The following KIF15 variants were observed in gnomAD, a reference collection of about 807,000 sequenced individuals.
KIF15 encodes kinesin-like protein KIF15.
KIF15 carries 140 observed loss-of-function variants against 190.6 expected under a neutral mutation model. The observed-to-expected ratio is 0.73, with a 90% CI of 0.64 to 0.84. The LOEUF (loss-of-function observed/expected upper bound fraction) is 0.84, where lower values mean the gene tolerates loss of function less well. Ranked by LOEUF, KIF15 falls within the 40% of genes least tolerant of loss-of-function variation. KIF15 has a pLI of 0.00. For missense variants in KIF15, 1,372 were observed against 1,584.4 expected, an observed-to-expected ratio of 0.87 and a Z score of 2.28; for synonymous variants, 528 against 551.3, an observed-to-expected ratio of 0.96 and a Z score of 0.59.
rs761739410 is a variant in KIF15 at position 44,797,927 on chromosome 3, G to C, written c.1069G>C (p.Ala357Pro). 1 of 1,613,266 alleles carries C rather than the reference G, an allele frequency of 6.2e-7. No homozygotes were observed. The highest frequency in any genetic ancestry group is 8.5e-7 in the Non-Finnish European group (1 of 1,179,818). ...GGAAACCCTATCAACACTTAACTTT[G>C]CTCAAAGAGCCAAGCTGATTAAAAA... ...FGETLSTLNF[A>P]QRAKLIKNKA... is the part of the protein sequence containing the mutation. Residue 357 changes from alanine to proline, a missense_variant, in exon 10 of 35, where the codon GCT becomes CCT. Physicochemically the swap from Ala to Pro is conservative, Grantham distance 27 (BLOSUM62 -1). Transcript: ENST00000326047.
At chr3:44,806,255 A>G (rs1008889260) in intron 16 of KIF15, among the ~76,000 whole-genome samples, 4 of 152,222 alleles carry the variant, frequency 2.6e-5, no homozygotes, top group African/African-American at 4.8e-5. Context: ...TCTGAGCCTT[A>G]TCTTTCTTTT....
intron 1 of KIF15, among the ~76,000 whole-genome samples, chr3:44,771,903 C>G (rs750976208): frequency 1.6e-4 from 24 of 152,298 alleles, no homozygotes; most frequent in Middle Eastern, 3.4e-3. Flanking sequence ...TAATTCAAAA[C>G]AGTCCTTTAA....
Position 44,815,001 on chromosome 3 carries a change from A to G in KIF15, c.2474A>G (p.Lys825Arg), listed in dbSNP as rs1707960988. ...GTGAAATTGGAATATAGTTCATTCA[A>G]AACGAATCAGGAGAAAGAATTCAAC... ...SSVKLEYSSFKTNQEKEFNKL... is the reference protein window; with the variant it reads ...SSVKLEYSSFRTNQEKEFNKL... The change falls in exon 20 of 35, where the codon AAA (lysine) becomes AGA (arginine). Residue 825 changes from lysine to arginine, a missense_variant. Lys to Arg is a conservative substitution (Grantham distance 26). Coordinates refer to ENST00000326047, the MANE Select transcript of KIF15 (RefSeq NM_020242.3). The G allele has an allele frequency of 6.2e-7, 1 of 1,613,178 alleles. No individual in the cohort carries two copies. The highest frequency in any genetic ancestry group is 8.5e-7 in the Non-Finnish European group (1 of 1,179,684).
chr3:44,787,550 G>T (rs951651650), intron 7 of KIF15, among the ~76,000 whole-genome samples: 1 of 152,068 alleles, frequency 6.6e-6, no homozygotes, highest in African/African-American at 2.4e-5. Flanking sequence ...GAGATAGGTT[G>T]TACATGTGAC....
intron 30 of KIF15, 127 bp from the exon 31 acceptor site, chr3:44,847,858 A>G (rs1698916623): frequency 3.0e-6 from 2 of 663,982 alleles, no homozygotes; most frequent in Admixed American, 2.9e-5. Flanking sequence ...CCCAATCACA[A>G]TAGAGTTAGC....
chr3:44,826,442 A>T lies in KIF15; in HGVS notation c.2768A>T (p.Asp923Val). The T allele has an allele frequency of 6.2e-7, 1 of 1,611,042 alleles. No individual in the cohort carries two copies. The highest frequency in any genetic ancestry group is 8.5e-7 in the Non-Finnish European group (1 of 1,177,644). The change falls in exon 22 of 35, where the codon GAT becomes GTT. Residue 923 changes from aspartate to valine, a missense_variant. Asp to Val is a radical substitution (Grantham distance 152, BLOSUM62 -3). Transcript: ENST00000326047. ...NNKLSLQFEE[D>V]KENSSKEILK... ...AAATTATCATTACAGTTTGAAGAAG[A>T]TAAAGAAAACAGTTCTAAGTGAGTG...
intron 1 of KIF15, among the ~76,000 whole-genome samples, chr3:44,762,937 C>T (rs935107921): frequency 6.6e-6 from 1 of 152,082 alleles, no homozygotes; most frequent in African/African-American, 2.4e-5. Flanking sequence ...TCTTTGTTTC[C>T]ACTTTATGGA....
chr3:44,836,624 A>G (rs1698335828), intron 26 of KIF15, among the ~76,000 whole-genome samples: 1 of 152,208 alleles, frequency 6.6e-6, no homozygotes. Context: ...AGCTCCCCAA[A>G]GAAGGAATAT....
At chr3:44,767,159 G>T (rs1360626273) in intron 1 of KIF15, among the ~76,000 whole-genome samples, 1 of 152,018 alleles carries the variant, frequency 6.6e-6, no homozygotes, top group Admixed American at 6.5e-5. Context: ...TGGGTCAGTG[G>T]AATTCCTCAT....
intron 29 of KIF15, among the ~76,000 whole-genome samples, 162 bp downstream of exon 29, chr3:44,841,400 T>G (rs945080835): frequency 2.0e-5 from 3 of 151,210 alleles, no homozygotes; most frequent in Non-Finnish European, 1.5e-5. Context: ...AATTTTTTTT[T>G]TTTTGTTTTT....
chr3:44,866,276 GTTAT>G (rs1699321829), intron 6 of KIF15, among the ~76,000 whole-genome samples: 1 of 151,964 alleles, frequency 6.6e-6, no homozygotes, highest in Non-Finnish European at 1.5e-5. Context: ...GTTTCACCAT[GTTAT>G]CCAGGATAGT....
At position 44,847,968 on chromosome 3, in the gene KIF15, C is replaced by T. The variant is rs1373863457; in HGVS notation, c.3696-17C>T. The T allele has an allele frequency of 3.2e-6, 5 of 1,574,550 alleles. No individual in the cohort carries two copies. In the Admixed American group the frequency reaches 5.6e-5, roughly 18 times the overall value. ...GTGTTTTCCTATGCCTCCTCCCACCCCTGTTAATCTATGCAGTGATCAGAA... is the reference window on the plus strand; with the variant it reads ...GTGTTTTCCTATGCCTCCTCCCACCTCTGTTAATCTATGCAGTGATCAGAA... On this transcript the variant is annotated splice_polypyrimidine_tract_variant and intron_variant, in intron 30 of 34. Coordinates refer to ENST00000326047, the MANE Select transcript of KIF15 (RefSeq NM_020242.3).
intron 28 of KIF15, 22 bp from the exon 29 acceptor site, chr3:44,841,052 A>G: frequency 1.3e-6 from 2 of 1,581,296 alleles, no homozygotes; most frequent in South Asian, 1.2e-5. Context: ...GGATATTTGG[A>G]TGAGATGTGA....
chr3:44,851,441 A>G (rs1039873588), intron 32 of KIF15, among the ~76,000 whole-genome samples: 1 of 152,252 alleles, frequency 6.6e-6, no homozygotes, highest in Non-Finnish European at 1.5e-5. Flanking sequence ...GAAATCAGAA[A>G]TGATCAAGAT....
chr3:44,828,190 A>T, intron 23 of KIF15, 24 bp from the exon 24 acceptor site: 1 of 1,559,708 alleles, frequency 6.4e-7, no homozygotes, highest in Non-Finnish European at 8.8e-7. Flanking sequence ...TTATTCTTCT[A>T]AAAATATTTC....
rs1408868232 is a variant in KIF15 at position 44,848,507 on chromosome 3, T to A, written c.3769-14T>A. 7.5e-6 allele frequency: 8 copies of A among 1,069,846 alleles called. No homozygotes were observed. Among genetic ancestry groups the A allele is most frequent in the South Asian group, 1.4e-5 (1 of 69,742 alleles). 66.3% of individuals were successfully genotyped at this position (1,069,846 alleles called of 1,614,324 possible). On this transcript the variant is annotated splice_polypyrimidine_tract_variant and intron_variant, in intron 31 of 34. Coordinates refer to ENST00000326047, the MANE Select transcript of KIF15 (RefSeq NM_020242.3). ...AAGCAATCTTTTTATTTTCTTTTTT[T>A]AATCTTCTTATAGAGTAAAATAGTT...
chr3:44,820,344 T>G (rs1258496282), intron 20 of KIF15, among the ~76,000 whole-genome samples: 1 of 152,042 alleles, frequency 6.6e-6, no homozygotes, highest in Non-Finnish European at 1.5e-5. Context: ...TTTCCTTTTT[T>G]TTTTTTAAAC....
At chr3:44,844,346 C>T (rs1175121105) in intron 30 of KIF15, among the ~76,000 whole-genome samples, 2 of 152,150 alleles carry the variant, frequency 1.3e-5, no homozygotes, top group Non-Finnish European at 2.9e-5. Flanking sequence ...GAGCGAAGCC[C>T]AGAATTCTGC....
At chr3:44,784,144 A>G (rs1188834837) in intron 5 of KIF15, among the ~76,000 whole-genome samples, 2 of 152,168 alleles carry the variant, frequency 1.3e-5, no homozygotes, top group African/African-American at 4.8e-5. Context: ...ACATGGCTCT[A>G]AGTGCTTTAC....
Sources: allele counts gnomAD v4.1 joint callset (sites outside exome capture counted in the v4.1 genomes callset), GRCh38; gene constraint gnomAD v4.1.1; transcripts MANE v1.5; gene names NCBI Gene and HGNC (gene_info 2026-07-23, HGNC 2026-07-21).